EPB41L4B: variants seen among roughly 807,000 people sequenced by gnomAD.
EPB41L4B encodes the protein erythrocyte membrane protein band 4.1 like 4B.
EPB41L4B carries 30 observed loss-of-function variants against 112.5 expected under a neutral mutation model. That is an observed-to-expected ratio of 0.27 (90% CI 0.20 to 0.36). The LOEUF is 0.36. Ranked by LOEUF, EPB41L4B falls within the 10% of genes least tolerant of loss-of-function variation. EPB41L4B has a pLI of 1.00. For missense variants in EPB41L4B, 1,024 were observed against 1,133.3 expected (o/e 0.90, Z 1.38); for synonymous variants, 408 against 439.7 (o/e 0.93, Z 0.90).
At chr9:109,179,433 T>C (rs573698843) in intron 24 of EPB41L4B, among the ~76,000 whole-genome samples, 62 of 152,134 alleles carry the variant, frequency 4.1e-4, no homozygotes, top group Non-Finnish European at 7.4e-4. Context: ...CACACAGGGG[T>C]GAGAAAATTG....
At chr9:109,268,183 GT>G (rs1039857061) in intron 3 of EPB41L4B, among the ~76,000 whole-genome samples, 1 of 152,168 alleles carries the variant, frequency 6.6e-6, no homozygotes, top group Non-Finnish European at 1.5e-5. Context: ...AGCACAGTTG[GT>G]TTTTCAATAT....
At position 109,311,882 on chromosome 9, in the gene EPB41L4B, G is replaced by A. The variant is rs1425433639; in HGVS notation, c.306+8259C>T. Among the ~76,000 whole-genome samples, 5 of 152,186 alleles carry A rather than the reference G, an allele frequency of 3.3e-5. No individual in the cohort carries two copies. The East Asian group carries it at 9.6e-4, about 29-fold the overall frequency. On this transcript the variant is annotated intron_variant, in intron 1 of 25. Transcript: ENST00000374566. The stretch of plus-strand genomic sequence containing the variant: ...TCTGCTCTCCGAGACCATCTGCAAA[G>A]GGGATGATAACGTGCACCTTCCCAG...
Position 109,172,441 on chromosome 9 carries a change from G to A in EPB41L4B, c.*2113C>T, listed in dbSNP as rs1831664153. 6.6e-6 allele frequency: 1 copy of A among 152,170 alleles called. No homozygotes were observed. Among genetic ancestry groups the A allele is most frequent in the Admixed American group, 6.5e-5 (1 of 15,272 alleles). The allele number at this position is 152,170 out of a possible 1,614,324, so 9.4% of individuals were successfully genotyped here. ...AGCTGTTTTAAAAGTATAGCCGGGG[G>A]ACATAGGGGTAAAAGGACCCAAACG... On this transcript the variant is annotated 3_prime_UTR_variant, in exon 26 of 26. Transcript: ENST00000374566.
chr9:109,177,435 T>C (rs1831883143), intron 24 of EPB41L4B, among the ~76,000 whole-genome samples: 1 of 152,252 alleles, frequency 6.6e-6, no homozygotes, highest in African/African-American at 2.4e-5. Flanking sequence ...TAGAGTATAC[T>C]GTCTCATTTG....
intron 1 of EPB41L4B, among the ~76,000 whole-genome samples, chr9:109,305,373 C>G (rs1337743431): frequency 6.6e-6 from 1 of 152,216 alleles, no homozygotes; most frequent in Non-Finnish European, 1.5e-5. Context: ...AATCCCAGCA[C>G]TTTGGGAGGC....
intron 1 of EPB41L4B, among the ~76,000 whole-genome samples, chr9:109,291,621 C>T (rs1285377225): frequency 1.3e-5 from 2 of 152,180 alleles, no homozygotes; most frequent in African/African-American, 4.8e-5. Context: ...TCTTAGAAAT[C>T]AGAGGAAGCA....
intron 2 of EPB41L4B, among the ~76,000 whole-genome samples, chr9:109,268,896 CAAAAA>C (rs55646924): frequency 9.4e-6 from 1 of 106,752 alleles, no homozygotes; most frequent in Admixed American, 1.1e-4. Context: ...AACTCCGTCT[CAAAAA>C]AAAAAAAAAA....
chr9:109,227,331 T>C, intron 15 of EPB41L4B, among the ~76,000 whole-genome samples: 1 of 152,196 alleles, frequency 6.6e-6, no homozygotes. Context: ...ACTTGAATTC[T>C]TGAATTCCAG....
intron 1 of EPB41L4B, among the ~76,000 whole-genome samples, chr9:109,318,566 TC>T (rs756768716): frequency 2.2e-4 from 34 of 152,060 alleles, no homozygotes; most frequent in Non-Finnish European, 4.3e-4. Flanking sequence ...CTTTCCCAGA[TC>T]CGAGATGCAA....
At chr9:109,203,610 A>G (rs1832904039) in intron 19 of EPB41L4B, 53 bp downstream of exon 19, 2 of 1,382,892 alleles carry the variant, frequency 1.4e-6, no homozygotes, top group African/African-American at 2.8e-5. Context: ...TTCAAGGATA[A>G]TGTTGATGAT....
Position 109,289,015 on chromosome 9 carries a change from T to C in EPB41L4B, c.307-9094A>G, listed in dbSNP as rs75369056. 6.6e-3 allele frequency among the ~76,000 whole-genome samples: 1,007 copies of C among 152,266 alleles called. 24 individuals carry two copies. The East Asian group carries it at 0.093, about 14-fold the overall frequency. On this transcript the variant is annotated intron_variant, in intron 1 of 25. Transcript: ENST00000374566. ...CAGAAGGACTAAGACACCCACCCCC[T>C]AGTGGGTCCCTCCTGACACCCACCT...
chr9:109,257,849 G>A (rs1835041340), intron 7 of EPB41L4B, among the ~76,000 whole-genome samples: 1 of 152,180 alleles, frequency 6.6e-6, no homozygotes, highest in Non-Finnish European at 1.5e-5. Flanking sequence ...AGAAAAATGA[G>A]CCAGGCATGG....
intron 18 of EPB41L4B, among the ~76,000 whole-genome samples, chr9:109,205,351 T>C (rs1158730878): frequency 2.6e-5 from 4 of 152,182 alleles, no homozygotes; most frequent in African/African-American, 4.8e-5. Flanking sequence ...CTTTACAAAA[T>C]AGAATATTTT....
chr9:109,265,006 T>C lies in EPB41L4B; in HGVS notation c.552A>G (p.Gln184=). 1 of 1,607,500 alleles carries C rather than the reference T, an allele frequency of 6.2e-7. No individual in the cohort carries two copies. Among genetic ancestry groups the C allele is most frequent in the Non-Finnish European group, 8.5e-7 (1 of 1,178,380 alleles). Residue 184 remains glutamine, a synonymous_variant, in exon 5 of 26, where the codon CAA becomes CAG. Coordinates refer to ENST00000374566, the MANE Select transcript of EPB41L4B (RefSeq NM_019114.5). The part of the protein sequence containing the change: ...EEFTRYLFVL[Q]LRHDILSGKL... The stretch of plus-strand genomic sequence containing the variant: ...TTCCAGAAAGAATGTCATGCCTGAG[T>C]TGTAAAACAAACAGGTACCTGACAA...
intron 1 of EPB41L4B, among the ~76,000 whole-genome samples, chr9:109,303,194 G>A (rs893921): frequency 0.92 from 140,603 of 152,118 alleles, 65,137 homozygotes; most frequent in Middle Eastern, 0.98. Context: ...AAAAAAAGAG[G>A]CAAGAATATA....
intron 1 of EPB41L4B, among the ~76,000 whole-genome samples, chr9:109,281,729 TTAATTA>T (rs1564317309): frequency 1.4e-4 from 11 of 79,830 alleles, no homozygotes; most frequent in African/African-American, 5.9e-4. Context: ...AATAAATTAA[TTAATTA>T]ATTTTAAAAA....
intron 15 of EPB41L4B, among the ~76,000 whole-genome samples, chr9:109,221,041 T>C (rs1833555951): frequency 6.6e-6 from 1 of 152,190 alleles, no homozygotes; most frequent in East Asian, 1.9e-4. Context: ...GTGAGTTGGG[T>C]TAAGCGATTT....
intron 19 of EPB41L4B, 140 bp from the exon 20 acceptor site, chr9:109,200,474 C>T (rs1304296997): frequency 3.4e-5 from 18 of 530,216 alleles, no homozygotes; most frequent in African/African-American, 5.7e-5. Flanking sequence ...GCCTTTCTAC[C>T]GTACTTAGTT....
chr9:109,289,245 A>G (rs1219808147), intron 1 of EPB41L4B, among the ~76,000 whole-genome samples: 1 of 152,144 alleles, frequency 6.6e-6, no homozygotes, highest in East Asian at 1.9e-4. Context: ...TCAAACTACA[A>G]AGCGTGTTGT....
Sources: gnomAD v4.1 joint callset for allele counts (sites outside exome capture counted in the v4.1 genomes callset) on GRCh38, gnomAD v4.1.1 for gene constraint, MANE v1.5 for transcripts, NCBI Gene and HGNC (gene_info 2026-07-23, HGNC 2026-07-21) for gene names.